PI4K2A: variants seen among roughly 807,000 people sequenced by gnomAD.
PI4K2A encodes phosphatidylinositol 4-kinase type 2-alpha.
Under a neutral mutation model 55.0 loss-of-function variants are expected in PI4K2A, and 20 were observed. The observed-to-expected ratio is 0.36, with a 90% CI of 0.26 to 0.53. The LOEUF (loss-of-function observed/expected upper bound fraction) is 0.53. PI4K2A is among the 20% of genes least tolerant of loss of function. The pLI, the probability that PI4K2A is intolerant of heterozygous loss-of-function variation, is 0.91. For synonymous variants in PI4K2A, 235 were observed against 258.5 expected, an observed-to-expected ratio of 0.91 and a Z score of 0.87; for missense variants, 463 against 637.1, an observed-to-expected ratio of 0.73 and a Z score of 2.94.
At chr10:97,674,146 C>T (rs2041649502) in exon 9 of PI4K2A, 2 of 159,186 alleles carry the variant, frequency 1.3e-5, no homozygotes, top group Non-Finnish European at 2.8e-5. Context: ...CGGGTCATCT[C>T]ATGTCAGAAA....
intron 8 of PI4K2A, among the ~76,000 whole-genome samples, chr10:97,672,103 C>T (rs945838482): frequency 1.3e-4 from 20 of 150,998 alleles, no homozygotes; most frequent in Non-Finnish European, 2.5e-4. Flanking sequence ...AGTGCAGTGG[C>T]GCAGTCTTGG....
chr10:97,647,977 C>T (rs2041513383), intron 1 of PI4K2A, among the ~76,000 whole-genome samples: 1 of 151,742 alleles, frequency 6.6e-6, no homozygotes, highest in South Asian at 2.1e-4. Context: ...CTCTGTCACC[C>T]AGGCTACAGT....
chr10:97,650,877 CTT>C, intron 1 of PI4K2A, 62 bp from the exon 2 acceptor site: 1 of 1,190,428 alleles, frequency 8.4e-7, no homozygotes, highest in East Asian at 2.3e-5. Context: ...TTCCTGCTGA[CTT>C]GGTCTGTGGG....
rs2041614082 is a variant in PI4K2A at position 97,667,226 on chromosome 10, T to C, written c.1278+106T>C. ...GTGTTTTATACCCCCCCCTTTTTTT[T>C]TGAGACCGAGTCTCACTCTGTCACC... On this transcript the variant is annotated intron_variant, in intron 8 of 8. Transcript: ENST00000370631. 3 of 793,798 alleles carry C rather than the reference T, an allele frequency of 3.8e-6. No individual in the cohort carries two copies. In the South Asian group the frequency reaches 4.8e-5, roughly 13 times the overall value. The allele number at this position is 793,798 out of a possible 1,614,324, so 49.2% of individuals were successfully genotyped here. A position where few individuals can be genotyped will look rare whatever the true frequency, so the allele number is the denominator to read the frequency against.
intron 1 of PI4K2A, 106 bp downstream of exon 1, chr10:97,641,283 AC>A: frequency 1.3e-6 from 1 of 794,584 alleles, no homozygotes; most frequent in Non-Finnish European, 2.0e-6. Flanking sequence ...ACTTCACAGT[AC>A]CAGCCCCTGG....
exon 1 of PI4K2A, chr10:97,640,770 C>A: frequency 6.6e-7 from 1 of 1,509,530 alleles, no homozygotes; most frequent in Non-Finnish European, 8.9e-7. Flanking sequence ...ACTAGTGTCC[C>A]CCGAGCGGGC....
At chr10:97,661,066 A>G (rs187111888) in intron 4 of PI4K2A, among the ~76,000 whole-genome samples, 2 of 151,928 alleles carry the variant, frequency 1.3e-5, no homozygotes, top group East Asian at 3.9e-4. Context: ...ATCTCGGTTC[A>G]CTGCAAGCTC....
chr10:97,669,038 G>A (rs1448352204), intron 8 of PI4K2A, among the ~76,000 whole-genome samples: 1 of 152,062 alleles, frequency 6.6e-6, no homozygotes, highest in Non-Finnish European at 1.5e-5. Context: ...GCTAATTTTT[G>A]TATTTTTAGT....
intron 1 of PI4K2A, 140 bp from the exon 2 acceptor site, chr10:97,650,801 T>A (rs1043284109): frequency 1.6e-5 from 10 of 643,258 alleles, no homozygotes; most frequent in African/African-American, 5.5e-5. Context: ...CCTTACCAAC[T>A]GGGAGAAACC....
exon 9 of PI4K2A, chr10:97,674,003 C>T (rs143637855): frequency 4.6e-6 from 2 of 436,550 alleles, no homozygotes; most frequent in East Asian, 3.7e-5. Context: ...ATCTCCCTTC[C>T]AGCATCTGCT....
intron 4 of PI4K2A, among the ~76,000 whole-genome samples, chr10:97,658,733 A>G (rs530275265): frequency 6.6e-6 from 1 of 152,292 alleles, no homozygotes; most frequent in East Asian, 1.9e-4. Flanking sequence ...TTTAATCTGC[A>G]TTCTGCTGAA....
chr10:97,666,404 C>A, intron 6 of PI4K2A, 34 bp from the exon 7 acceptor site: 1 of 1,602,474 alleles, frequency 6.2e-7, no homozygotes, highest in Non-Finnish European at 8.5e-7. Context: ...ACTTTTCCAA[C>A]ACCAGCTTTG....
chr10:97,676,153 G>A lies in PI4K2A; in HGVS notation c.*2411G>A, dbSNP rs1235018232. The A allele has an allele frequency of 7.2e-5, 11 of 152,292 alleles. No homozygotes were observed. The East Asian group carries it at 1.9e-3, about 27-fold the overall frequency. 9.4% of individuals were successfully genotyped at this position (152,292 alleles called of 1,614,324 possible). ...GTTTCCATGGAATTGCTGAGACGTG[G>A]CTCCTGGGGCTATTTCTCCCTAATA... On this transcript the variant is annotated 3_prime_UTR_variant, in exon 9 of 9. Coordinates refer to ENST00000370631, the Ensembl canonical transcript of PI4K2A.
chr10:97,659,334 T>C (rs528150825), intron 4 of PI4K2A, among the ~76,000 whole-genome samples: 1 of 152,088 alleles, frequency 6.6e-6, no homozygotes, highest in South Asian at 2.1e-4. Flanking sequence ...GCGCCTGGCT[T>C]GCAACTGATT....
chr10:97,647,355 G>A (rs1446643542), intron 1 of PI4K2A, among the ~76,000 whole-genome samples: 1 of 152,202 alleles, frequency 6.6e-6, no homozygotes, highest in Non-Finnish European at 1.5e-5. Context: ...AAAGAAGAGA[G>A]TGGATGGTGA....
chr10:97,645,469 G>T (rs975313485), intron 1 of PI4K2A, among the ~76,000 whole-genome samples: 1 of 151,622 alleles, frequency 6.6e-6, no homozygotes, highest in African/African-American at 2.4e-5. Context: ...TTAGCCGGGC[G>T]TGGTGGCGGG....
At chr10:97,666,337 A>G (rs1323898339) in intron 6 of PI4K2A, 101 bp from the exon 7 acceptor site, 1 of 1,020,986 alleles carries the variant, frequency 9.8e-7, no homozygotes, top group African/African-American at 1.6e-5. Context: ...TATGTCAGGG[A>G]AGAGGGGTTC....
chr10:97,658,206 C>T (rs761403015), intron 4 of PI4K2A, among the ~76,000 whole-genome samples: 1 of 152,274 alleles, frequency 6.6e-6, no homozygotes, highest in Non-Finnish European at 1.5e-5. Context: ...CCCCTCCCTA[C>T]GTCCCTGGCA....
At chr10:97,671,689 G>T (rs1458363216) in intron 8 of PI4K2A, among the ~76,000 whole-genome samples, 1 of 151,842 alleles carries the variant, frequency 6.6e-6, no homozygotes, top group African/African-American at 2.4e-5. Flanking sequence ...GCTTAGACTG[G>T]AGTGCAATGG....
Sources: allele counts gnomAD v4.1 joint callset (sites outside exome capture counted in the v4.1 genomes callset), GRCh38; gene constraint gnomAD v4.1.1; transcripts MANE v1.5; gene names NCBI Gene and HGNC (gene_info 2026-07-23, HGNC 2026-07-21).